The following TCERG1L variants were observed in gnomAD, a reference collection of about 807,000 sequenced individuals.
The protein encoded by TCERG1L is transcription elongation regulator 1-like protein.
TCERG1L carries 37 observed loss-of-function variants against 56.3 expected under a neutral mutation model. That is an observed-to-expected ratio of 0.66 (90% CI 0.51 to 0.87). TCERG1L has a LOEUF of 0.87. TCERG1L is among the 40% of genes least tolerant of loss of function. The pLI is 0.00. For synonymous variants in TCERG1L, 324 were observed against 326.3 expected, an observed-to-expected ratio of 0.99 and a Z score of 0.08; for missense variants, 799 against 774.2, an observed-to-expected ratio of 1.03 and a Z score of -0.38.
chr10:131,221,215 C>T (rs1033683949), intron 4 of TCERG1L, among the ~76,000 whole-genome samples: 15 of 152,204 alleles, frequency 9.9e-5, no homozygotes, highest in African/African-American at 1.9e-4. Context: ...CGCCAAGAGC[C>T]GCAGCTCCCC....
intron 9 of TCERG1L, among the ~76,000 whole-genome samples, chr10:131,109,212 T>C (rs1845385556): frequency 6.6e-6 from 1 of 152,226 alleles, no homozygotes; most frequent in Non-Finnish European, 1.5e-5. Context: ...ATTTTATTTG[T>C]GACTTGATCC....
intron 6 of TCERG1L, among the ~76,000 whole-genome samples, chr10:131,155,434 G>A (rs2133423515): frequency 6.6e-6 from 1 of 152,336 alleles, no homozygotes. Context: ...AGGCTTGCCG[G>A]GAGGGCAGCA....
chr10:131,211,545 G>C (rs574177428), intron 4 of TCERG1L, among the ~76,000 whole-genome samples: 1 of 152,274 alleles, frequency 6.6e-6, no homozygotes, highest in African/African-American at 2.4e-5. Flanking sequence ...TCCACATCCT[G>C]GGACAAGTGA....
chr10:131,304,215 T>C (rs1032777117), intron 3 of TCERG1L, among the ~76,000 whole-genome samples: 1 of 152,110 alleles, frequency 6.6e-6, no homozygotes, highest in African/African-American at 2.4e-5. Context: ...TCCTTCTATT[T>C]CATTTGCCTT....
chr10:131,130,419 G>A (rs973309454), intron 8 of TCERG1L, among the ~76,000 whole-genome samples: 3 of 152,158 alleles, frequency 2.0e-5, no homozygotes, highest in African/African-American at 7.2e-5. Flanking sequence ...ATGAGGGTTA[G>A]GTGGACAGCT....
intron 4 of TCERG1L, among the ~76,000 whole-genome samples, chr10:131,183,693 T>TC (rs1271281686): frequency 6.6e-6 from 1 of 151,982 alleles, no homozygotes; most frequent in African/African-American, 2.4e-5. Flanking sequence ...CGCCACTGAC[T>TC]CCCCCCTCAT....
At chr10:131,251,219 T>TCC (rs1277930669) in intron 4 of TCERG1L, among the ~76,000 whole-genome samples, 1 of 152,078 alleles carries the variant, frequency 6.6e-6, no homozygotes, top group Admixed American at 6.5e-5. Context: ...CCCTGACCAC[T>TCC]CCCACGCCCT....
At position 131,159,120 on chromosome 10, in the gene TCERG1L, G is replaced by A. The variant is rs1043809468; in HGVS notation, c.1034+4002C>T. 8.4e-4 allele frequency among the ~76,000 whole-genome samples: 128 copies of A among 152,232 alleles called. 2 individuals are homozygous for A. Among genetic ancestry groups the A allele is most frequent in the Non-Finnish European group, 3.7e-4 (25 of 68,052 alleles). On this transcript the variant is annotated intron_variant, in intron 6 of 11. Coordinates refer to ENST00000368642, the MANE Select transcript of TCERG1L (RefSeq NM_174937.4). Reference sequence around the variant, plus strand: ...GCAGGTGGGTTCTCACTCACGGTTGGGGGCCTCGGCAGGAAAAGGGGCAGT... The same window carrying A: ...GCAGGTGGGTTCTCACTCACGGTTGAGGGCCTCGGCAGGAAAAGGGGCAGT...
chr10:131,128,912 T>A (rs896118105), intron 8 of TCERG1L, among the ~76,000 whole-genome samples: 3 of 152,066 alleles, frequency 2.0e-5, no homozygotes, highest in Non-Finnish European at 2.9e-5. Context: ...CTGATAAAGC[T>A]CGGCTCTGAC....
intron 4 of TCERG1L, among the ~76,000 whole-genome samples, chr10:131,205,611 G>A (rs1036660125): frequency 3.9e-5 from 6 of 152,158 alleles, no homozygotes; most frequent in South Asian, 2.1e-4. Context: ...GGAGGTAAAC[G>A]CCGCCTTCCA....
chr10:131,276,409 GTTC>G, intron 3 of TCERG1L, among the ~76,000 whole-genome samples: 1 of 152,340 alleles, frequency 6.6e-6, no homozygotes, highest in South Asian at 2.1e-4. Context: ...TTGTGAAGAG[GTTC>G]TTTAATGCAT....
intron 4 of TCERG1L, among the ~76,000 whole-genome samples, chr10:131,219,311 C>G (rs1845705182): frequency 6.6e-6 from 1 of 152,210 alleles, no homozygotes; most frequent in Non-Finnish European, 1.5e-5. Context: ...CCAGGCAGGT[C>G]CCATCATCCT....
intron 4 of TCERG1L, among the ~76,000 whole-genome samples, chr10:131,197,609 T>C (rs1487380011): frequency 6.6e-6 from 1 of 152,196 alleles, no homozygotes; most frequent in Non-Finnish European, 1.5e-5. Flanking sequence ...TGGGGAATTT[T>C]TCATTATATC....
chr10:131,106,754 C>T (rs1049529535), intron 9 of TCERG1L, among the ~76,000 whole-genome samples: 10 of 152,198 alleles, frequency 6.6e-5, no homozygotes, highest in South Asian at 2.1e-4. Context: ...TTTACAAAAA[C>T]AAAACCCCAT....
At chr10:131,255,329 A>C (rs1846155251) in intron 4 of TCERG1L, among the ~76,000 whole-genome samples, 1 of 152,266 alleles carries the variant, frequency 6.6e-6, no homozygotes, top group South Asian at 2.1e-4. Context: ...CCATCGCAGA[A>C]GAATGCGCAA....
intron 4 of TCERG1L, among the ~76,000 whole-genome samples, chr10:131,188,628 T>C (rs2944465): frequency 0.93 from 141,255 of 152,262 alleles, 66,485 homozygotes; most frequent in East Asian, 1. Flanking sequence ...AGATGTTTTG[T>C]ACAAATTCTT....
At chr10:131,159,154 G>A (rs1224503646) in intron 6 of TCERG1L, among the ~76,000 whole-genome samples, 1 of 152,228 alleles carries the variant, frequency 6.6e-6, no homozygotes, top group African/African-American at 2.4e-5. Context: ...GTGTGCCCTG[G>A]GGAGAGGGCT....
intron 4 of TCERG1L, among the ~76,000 whole-genome samples, chr10:131,234,894 G>C (rs971539244): frequency 3.3e-5 from 5 of 152,198 alleles, no homozygotes; most frequent in Non-Finnish European, 7.3e-5. Flanking sequence ...AGTAGAGAAA[G>C]GGTTTCATCA....
At position 131,307,884 on chromosome 10, in the gene TCERG1L, A is replaced by G. The variant is rs115395205; in HGVS notation, c.670+327T>C. 7.2e-3 allele frequency among the ~76,000 whole-genome samples: 1,096 copies of G among 152,198 alleles called. 14 individuals are homozygous for G. Among genetic ancestry groups the G allele is most frequent in the African/African-American group, 0.025 (1,034 of 41,518 alleles). Reference sequence around the variant, plus strand: ...AGAGGCAACATTTTTTAAAGAGTAGACTGATCAATTAGTGCCCCTATTAAG... The same window carrying G: ...AGAGGCAACATTTTTTAAAGAGTAGGCTGATCAATTAGTGCCCCTATTAAG... On this transcript the variant is annotated intron_variant, in intron 3 of 11. Transcript: ENST00000368642.
Sources: allele counts gnomAD v4.1 joint callset (sites outside exome capture counted in the v4.1 genomes callset), GRCh38; gene constraint gnomAD v4.1.1; transcripts MANE v1.5; gene names NCBI Gene and HGNC (gene_info 2026-07-23, HGNC 2026-07-21).